The following P2RX7 variants were observed in gnomAD, a reference collection of about 807,000 sequenced individuals.
The protein encoded by P2RX7 is P2X purinoceptor 7.
P2RX7 carries 62 observed loss-of-function variants against 71.6 expected under a neutral mutation model. The ratio of observed to expected loss-of-function variants is 0.87; its 90% CI spans 0.71 to 1.07. The LOEUF is 1.07. Among genes scored for constraint, P2RX7 ranks in the 50% least tolerant of loss-of-function variants. P2RX7 has a pLI of 0.00. For synonymous variants in P2RX7, 299 were observed against 283.3 expected, an observed-to-expected ratio of 1.06 and a Z score of -0.56; for missense variants, 686 against 748.5, an observed-to-expected ratio of 0.92 and a Z score of 0.97.
intron 1 of P2RX7, among the ~76,000 whole-genome samples, chr12:121,142,636 C>G (rs1012796256): frequency 1.3e-5 from 2 of 152,084 alleles, no homozygotes; most frequent in Non-Finnish European, 2.9e-5. Context: ...ACTGCTGTGC[C>G]CAGCCAAGGC....
In P2RX7 at chr12:121,162,520, G is replaced by A. The variant is rs199529465; in HGVS notation, c.533G>A (p.Arg178Gln). ...ATCGAGGCAGTGGAAGAGGCCCCCC[G>A]GTGAGTCGCATGGGGAGACAGACAC... ...CPIEAVEEAP[R>Q]PALLNSAENF... Residue 178 changes from arginine to glutamine, a missense_variant and splice_region_variant, in exon 5 of 13, where the codon CGG becomes CAG. Physicochemically the swap from Arg to Gln is conservative, Grantham distance 43. Transcript: ENST00000328963. 1.8e-5 allele frequency: 29 copies of A among 1,612,222 alleles called. No individual in the cohort carries two copies. Among genetic ancestry groups the A allele is most frequent in the East Asian group, 8.9e-5 (4 of 44,872 alleles).
intron 1 of P2RX7, 40 bp downstream of exon 1, chr12:121,133,135 C>G (rs1317168888): frequency 6.2e-7 from 1 of 1,611,878 alleles, no homozygotes; most frequent in Non-Finnish European, 8.5e-7. Flanking sequence ...TCTGCAGTGG[C>G]CGACAGCACA....
At chr12:121,168,121 C>CATAT (rs138650166) in intron 8 of P2RX7, among the ~76,000 whole-genome samples, 1 of 150,828 alleles carries the variant, frequency 6.6e-6, no homozygotes, top group Non-Finnish European at 1.5e-5. Flanking sequence ...GAGATAATAG[C>CATAT]ATATATATAT....
At chr12:121,148,443 G>A (rs1001101704) in intron 1 of P2RX7, among the ~76,000 whole-genome samples, 2 of 151,770 alleles carry the variant, frequency 1.3e-5, no homozygotes, top group Admixed American at 1.3e-4. Context: ...TCAAACTCTT[G>A]ATCTCAAATT....
chr12:121,173,377 G>T (rs549226573), intron 8 of P2RX7, among the ~76,000 whole-genome samples: 26 of 152,240 alleles, frequency 1.7e-4, no homozygotes, highest in African/African-American at 5.8e-4. Context: ...GTAGAGATGG[G>T]GTTTCATCAT....
At chr12:121,139,103 G>A (rs1373104187) in intron 1 of P2RX7, among the ~76,000 whole-genome samples, 5 of 152,058 alleles carry the variant, frequency 3.3e-5, no homozygotes, top group Non-Finnish European at 7.3e-5. Flanking sequence ...CACTACACCC[G>A]GCTCATTTTT....
rs2136185262 is a variant in P2RX7 at position 121,186,059 on chromosome 12, A to G, written c.*1257A>G. 6.5e-6 allele frequency: 1 copy of G among 152,972 alleles called. No individual in the cohort carries two copies. The highest frequency in any genetic ancestry group is 2.4e-5 in the African/African-American group (1 of 41,402). 9.5% of individuals were successfully genotyped at this position (152,972 alleles called of 1,614,324 possible). ...ACAGAGCGAGACTCCATCTCAAAAA[A>G]AAAAAAAAGAAAAAAAAAATGTCTG... On this transcript the variant is annotated 3_prime_UTR_variant, in exon 13 of 13. Coordinates refer to ENST00000328963, the MANE Select transcript of P2RX7 (RefSeq NM_002562.6).
In P2RX7 at chr12:121,152,105, G is replaced by A. The variant is rs545849928; in HGVS notation, c.126-2680G>A. ...AAGGATTCTCCTGCCTCACCCTCCC[G>A]AGTAGTTGGGATTACAGGCGCACAC... On this transcript the variant is annotated intron_variant, in intron 1 of 12. Transcript: ENST00000328963. Among the ~76,000 whole-genome samples the A allele has an allele frequency of 2.8e-4, 43 of 152,072 alleles. No homozygotes were observed. The South Asian group carries it at 8.3e-3, about 29-fold the overall frequency.
At chr12:121,182,711 C>T (rs1183111394) in intron 12 of P2RX7, among the ~76,000 whole-genome samples, 1 of 152,142 alleles carries the variant, frequency 6.6e-6, no homozygotes, top group Admixed American at 6.6e-5. Context: ...ATGTGAAAGC[C>T]TAGGTTGTTA....
At chr12:121,183,444 G>A (rs1401220058) in intron 12 of P2RX7, among the ~76,000 whole-genome samples, 10 of 150,658 alleles carry the variant, frequency 6.6e-5, no homozygotes, top group African/African-American at 9.8e-5. Context: ...GGTGGTGCGC[G>A]CCTGTAGTCC....
intron 1 of P2RX7, among the ~76,000 whole-genome samples, chr12:121,145,252 G>A (rs1280139290): frequency 6.6e-6 from 1 of 152,162 alleles, no homozygotes; most frequent in Non-Finnish European, 1.5e-5. Context: ...GGCACAAGTG[G>A]ACTCCTGCAA....
rs538685541 is a variant in P2RX7, at chr12:121,160,450, C to T, written c.364-452C>T. Among the ~76,000 whole-genome samples the T allele has an allele frequency of 4.6e-5, 7 of 152,156 alleles. No homozygotes were observed. In the South Asian group the frequency reaches 1.5e-3, roughly 32 times the overall value. On this transcript the variant is annotated intron_variant, in intron 3 of 12. Coordinates refer to ENST00000328963, the MANE Select transcript of P2RX7 (RefSeq NM_002562.6). ...GCGTGATAAGCCACGGCGCCCAGCC[C>T]CCAGAACATTTTCATCACCTACAAA...
chr12:121,160,896 C>T lies in P2RX7; in HGVS notation c.364-6C>T. 1 of 1,611,238 alleles carries T rather than the reference C, an allele frequency of 6.2e-7. No individual in the cohort carries two copies. Among genetic ancestry groups the T allele is most frequent in the Non-Finnish European group, 8.5e-7 (1 of 1,177,334 alleles). On this transcript the variant is annotated splice_region_variant and splice_polypyrimidine_tract_variant and intron_variant, in intron 3 of 12. Transcript: ENST00000328963. Reference sequence around the variant, plus strand: ...ACTCCCCACTCTGTCATCCTTCTATCTGCAGTATCCCACCCGCAGGACGCT... The same window carrying T: ...ACTCCCCACTCTGTCATCCTTCTATTTGCAGTATCCCACCCGCAGGACGCT...
intron 1 of P2RX7, among the ~76,000 whole-genome samples, chr12:121,148,828 A>T (rs1352607534): frequency 6.6e-6 from 1 of 152,182 alleles, no homozygotes; most frequent in African/African-American, 2.4e-5. Flanking sequence ...TAAATAAGAG[A>T]TGCAGAGGCT....
chr12:121,145,367 T>C (rs1227031821), intron 1 of P2RX7, among the ~76,000 whole-genome samples: 3 of 152,042 alleles, frequency 2.0e-5, no homozygotes, highest in African/African-American at 4.8e-5. Context: ...TTGGATTTAG[T>C]GACAACGACA....
chr12:121,140,805 G>T (rs1173731715), intron 1 of P2RX7, among the ~76,000 whole-genome samples: 4 of 152,094 alleles, frequency 2.6e-5, no homozygotes, highest in Admixed American at 6.6e-5. Flanking sequence ...ATAAATAAAG[G>T]GCCAGGCGTG....
At position 121,160,272 on chromosome 12, in the gene P2RX7, C is replaced by G. The variant is rs546826028; in HGVS notation, c.364-630C>G. Among the ~76,000 whole-genome samples, 354 of 152,202 alleles carry G rather than the reference C, an allele frequency of 2.3e-3. 2 individuals carry two copies. Among genetic ancestry groups the G allele is most frequent in the African/African-American group, 7.9e-3 (330 of 41,516 alleles). ...AAGTGATTCTCCTGCCTCAGCCCCC[C>G]TAGTAGCTGGGATTACAGGCGCACA... On this transcript the variant is annotated intron_variant, in intron 3 of 12. Transcript: ENST00000328963.
In P2RX7 at chr12:121,166,093, C is replaced by T; in HGVS notation, c.650C>T (p.Thr217Ile). ...CTGCCAGGTTTAAACATCACTTGTA[C>T]CTTCCACAAGACTCAGAATCCACAG... Reference protein sequence around the residue: ...NILPGLNITCTFHKTQNPQCP... With the variant: ...NILPGLNITCIFHKTQNPQCP... The change falls in exon 7 of 13, where the codon ACC becomes ATC. Residue 217 changes from threonine (T) to isoleucine (I), a missense_variant. Coordinates refer to ENST00000328963, the MANE Select transcript of P2RX7 (RefSeq NM_002562.6). 1 of 1,613,604 alleles carries T rather than the reference C, an allele frequency of 6.2e-7. No homozygotes were observed. The highest frequency in any genetic ancestry group is 8.5e-7 in the Non-Finnish European group (1 of 1,179,518).
intron 11 of P2RX7, among the ~76,000 whole-genome samples, chr12:121,178,664 T>C (rs11065470): frequency 0.39 from 58,323 of 151,110 alleles, 11,608 homozygotes; most frequent in African/African-American, 0.44. Context: ...TGGTGGTGCA[T>C]GCCTGAAGTC....
Sources: allele counts gnomAD v4.1 joint callset (sites outside exome capture counted in the v4.1 genomes callset), GRCh38; gene constraint gnomAD v4.1.1; transcripts MANE v1.5; gene names NCBI Gene and HGNC (gene_info 2026-07-23, HGNC 2026-07-21).